PTBP3: variants seen among roughly 807,000 people sequenced by gnomAD.
PTBP3 encodes the protein polypyrimidine tract binding protein 3.
PTBP3 carries 20 observed loss-of-function variants against 58.7 expected under a neutral mutation model. The ratio of observed to expected loss-of-function variants is 0.34; its 90% CI spans 0.24 to 0.50. PTBP3 has a LOEUF of 0.50. PTBP3 is among the 20% of genes least tolerant of loss of function. The pLI is 0.98. For missense variants in PTBP3, 509 were observed against 637.2 expected, an observed-to-expected ratio of 0.80 and a Z score of 2.17; for synonymous variants, 185 against 219.8, an observed-to-expected ratio of 0.84 and a Z score of 1.40.
chr9:112,371,969 T>C, the PTBP3 span, among the ~76,000 whole-genome samples: 1 of 152,158 alleles, frequency 6.6e-6, no homozygotes, highest in Non-Finnish European at 1.5e-5. Context: ...GGTTTATTCT[T>C]CATTGCTTAG....
At chr9:112,374,143 G>C in the PTBP3 span, among the ~76,000 whole-genome samples, 1 of 152,168 alleles carries the variant, frequency 6.6e-6, no homozygotes, top group East Asian at 1.9e-4. Context: ...CTGTGGAGTA[G>C]TAGACTGATT....
At chr9:112,351,627 G>A in the PTBP3 span, among the ~76,000 whole-genome samples, 12 of 152,202 alleles carry the variant, frequency 7.9e-5, no homozygotes, top group South Asian at 4.1e-4. Context: ...CTGTACAGAT[G>A]ATTGGTCATT....
rs1463739821 is a variant in PTBP3, at chr9:112,220,830, A to C, written c.*3021T>G. 1.0e-6 allele frequency: 1 copy of C among 970,596 alleles called. No homozygotes were observed. Among genetic ancestry groups the C allele is most frequent in the Non-Finnish European group, 1.2e-6 (1 of 816,570 alleles). 60.1% of individuals were successfully genotyped at this position (970,596 alleles called of 1,614,324 possible). On this transcript the variant is annotated 3_prime_UTR_variant, in exon 14 of 14. Coordinates refer to ENST00000374257, the MANE Select transcript of PTBP3 (RefSeq NM_001163788.4). ...TCCTGAATATATATACTTTGTGTAG[A>C]AGTCAAGACACCTTGAAAAGTGATG...
intron 2 of PTBP3, among the ~76,000 whole-genome samples, chr9:112,287,741 A>AT (rs1564435754): frequency 6.6e-6 from 1 of 151,858 alleles, no homozygotes; most frequent in South Asian, 2.1e-4. Flanking sequence ...GCCATCATGT[A>AT]TTTTTTTCAG....
rs1179192825 is a variant in PTBP3 at position 112,231,952 on chromosome 9, G to C, written c.1020+147C>G. 18 of 388,052 alleles carry C rather than the reference G, an allele frequency of 4.6e-5. No homozygotes were observed. The African/African-American group carries it at 7.2e-4, about 16-fold the overall frequency. The allele number at this position is 388,052 out of a possible 1,614,324, so 24.0% of individuals were successfully genotyped here. On this transcript the variant is annotated intron_variant, in intron 9 of 13. Coordinates refer to ENST00000374257, the MANE Select transcript of PTBP3 (RefSeq NM_001163788.4). ...GAGAAGAGAAGAGAAGAGAAGAGAA[G>C]AGAAGAGAAGAGAAGAGAGAAGAGA... is the stretch of plus-strand genomic sequence containing the variant.
chr9:112,313,017 C>A (rs1272834737), intron 1 of PTBP3, among the ~76,000 whole-genome samples: 1 of 151,562 alleles, frequency 6.6e-6, no homozygotes, highest in Non-Finnish European at 1.5e-5. Flanking sequence ...GCACTCCAGA[C>A]TGGGTGACAG....
chr9:112,300,196 C>T (rs1564445991), intron 1 of PTBP3, among the ~76,000 whole-genome samples: 1 of 152,130 alleles, frequency 6.6e-6, no homozygotes. Context: ...CTGATCCAAT[C>T]TATTAAAGTC....
intron 2 of PTBP3, among the ~76,000 whole-genome samples, chr9:112,290,467 T>C (rs139571932): frequency 7.9e-4 from 119 of 151,546 alleles, no homozygotes; most frequent in African/African-American, 2.9e-3. Flanking sequence ...AGGTCAAGAG[T>C]TCGAGACCAG....
At chr9:112,232,390 A>G in intron 8 of PTBP3, 152 bp from the exon 9 acceptor site, 1 of 748,928 alleles carries the variant, frequency 1.3e-6, no homozygotes, top group South Asian at 1.9e-5. Flanking sequence ...TTTCTGCCCT[A>G]CAGAGTCTGT....
intron 5 of PTBP3, among the ~76,000 whole-genome samples, chr9:112,261,486 A>G (rs1209940635): frequency 6.6e-6 from 1 of 152,234 alleles, no homozygotes; most frequent in Non-Finnish European, 1.5e-5. Context: ...ATTCTTACAT[A>G]TACAAGCACA....
chr9:112,309,037 G>A (rs1260263989), intron 1 of PTBP3, among the ~76,000 whole-genome samples: 1 of 152,056 alleles, frequency 6.6e-6, no homozygotes, highest in African/African-American at 2.4e-5. Context: ...TAACATGTAC[G>A]GATGATTCTG....
At chr9:112,267,651 T>C (rs1227423157) in intron 4 of PTBP3, among the ~76,000 whole-genome samples, 2 of 152,206 alleles carry the variant, frequency 1.3e-5, no homozygotes. Context: ...TCAAAAATCA[T>C]TTAATAAACA....
rs539119399 is a variant in PTBP3, at chr9:112,302,491, T to C, written c.-51-4575A>G. On this transcript the variant is annotated intron_variant, in intron 1 of 13. Coordinates refer to ENST00000374257, the MANE Select transcript of PTBP3 (RefSeq NM_001163788.4). ...CACTTTATCTTAGAGACACTTGAGATTACCAGAAAGGCACCTAGACGAGGT... is the reference window on the plus strand; with the variant it reads ...CACTTTATCTTAGAGACACTTGAGACTACCAGAAAGGCACCTAGACGAGGT... 5.3e-5 allele frequency among the ~76,000 whole-genome samples: 8 copies of C among 151,756 alleles called. No homozygotes were observed. In the South Asian group the frequency reaches 1.5e-3, roughly 28 times the overall value.
the PTBP3 span, among the ~76,000 whole-genome samples, chr9:112,346,268 AG>A: frequency 2.0e-5 from 3 of 151,674 alleles, no homozygotes; most frequent in Non-Finnish European, 4.4e-5. Flanking sequence ...CCTGGGTTCA[AG>A]CGATTCTCCT....
At position 112,250,985 on chromosome 9, in the gene PTBP3, T is replaced by C. The variant is rs1836090240; in HGVS notation, c.746A>G (p.Asp249Gly). ...NDKSRDFTRL[D>G]LPTGDGQPSL... ...TGGCTGGCCATCACCAGTAGGAAGG[T>C]CTAAGCGAGTGAAGTCTCTGCTTTT... is the stretch of plus-strand genomic sequence containing the variant. Residue 249 changes from aspartate (D) to glycine (G), a missense_variant, in exon 7 of 14, where the codon GAC (aspartate) becomes GGC (glycine). Transcript: ENST00000374257. The C allele has an allele frequency of 6.2e-7, 1 of 1,612,282 alleles. No homozygotes were observed. Among genetic ancestry groups the C allele is most frequent in the Non-Finnish European group, 8.5e-7 (1 of 1,179,150 alleles).
intron 1 of PTBP3, among the ~76,000 whole-genome samples, chr9:112,304,237 T>TTAA (rs143595078): frequency 0.021 from 3,239 of 152,336 alleles, 114 homozygotes; most frequent in African/African-American, 0.07. Context: ...GGGACATTTA[T>TTAA]TAAAGTCTCA....
chr9:112,369,432 C>T, the PTBP3 span, among the ~76,000 whole-genome samples: 11 of 152,204 alleles, frequency 7.2e-5, no homozygotes, highest in East Asian at 3.8e-4. Flanking sequence ...ATGTGAGACA[C>T]GGAGTCAAAG....
intron 2 of PTBP3, among the ~76,000 whole-genome samples, chr9:112,293,264 G>A (rs1210406281): frequency 2.0e-5 from 3 of 152,196 alleles, no homozygotes; most frequent in Non-Finnish European, 4.4e-5. Flanking sequence ...AAGGATTCCT[G>A]TGAGTATTAG....
At chr9:112,231,353 A>G in intron 10 of PTBP3, 27 bp downstream of exon 10, 2 of 1,552,484 alleles carry the variant, frequency 1.3e-6, no homozygotes, top group Non-Finnish European at 1.8e-6. Context: ...CCTGTAGACA[A>G]TAATAAAATA....
Sources: allele counts gnomAD v4.1 joint callset (sites outside exome capture counted in the v4.1 genomes callset), GRCh38; gene constraint gnomAD v4.1.1; transcripts MANE v1.5; gene names NCBI Gene and HGNC (gene_info 2026-07-23, HGNC 2026-07-21).